The following GPR132 variants were observed in gnomAD, a reference collection of about 807,000 sequenced individuals.
GPR132 encodes the protein G protein-coupled receptor 132.
Under a neutral mutation model 1.9 loss-of-function variants are expected in GPR132, and 4 were observed. The observed-to-expected ratio is 2.13, with a 90% CI of 1.05 to 4.87. The LOEUF is 4.87. GPR132 is among the 30% of genes most tolerant of loss of function. The pLI is 0.01. For synonymous variants in GPR132, 233 were observed against 234.2 expected (o/e 0.99, Z 0.05); for missense variants, 404 against 512.5 (o/e 0.79, Z 2.04).
rs575686908 is a variant in GPR132, at chr14:105,064,634, C to A, written c.-861+745G>T. On this transcript the variant is annotated intron_variant, in intron 1 of 3. Coordinates refer to ENST00000329797, the MANE Select transcript of GPR132 (RefSeq NM_013345.4). Reference sequence around the variant, plus strand: ...CAGGCATGAACCACCGTGCCCAGCCCCTATCCTCATCTTCTTCCAGGAGCC... The same window carrying A: ...CAGGCATGAACCACCGTGCCCAGCCACTATCCTCATCTTCTTCCAGGAGCC... Among the ~76,000 whole-genome samples the A allele has an allele frequency of 3.4e-4, 51 of 152,230 alleles. No homozygotes were observed. In the Middle Eastern group the frequency reaches 0.01, roughly 30 times the overall value.
Position 105,055,338 on chromosome 14 carries a change from A to T in GPR132, c.34+49T>A. The T allele has an allele frequency of 2.6e-6, 2 of 780,814 alleles. No individual in the cohort carries two copies. Among genetic ancestry groups the T allele is most frequent in the Non-Finnish European group, 2.4e-6 (1 of 417,970 alleles). 48.4% of individuals were successfully genotyped at this position (780,814 alleles called of 1,614,324 possible). A position where few individuals can be genotyped will look rare whatever the true frequency, so the allele number is the denominator to read the frequency against. On this transcript the variant is annotated intron_variant, in intron 3 of 3. Coordinates refer to ENST00000329797, the MANE Select transcript of GPR132 (RefSeq NM_013345.4). This position sits in a 1 kb window ranked among gnomAD's most constrained non-coding sequence, Gnocchi z 4.7. ...TGAGACTCAATCGCAAGAAAAAAAA[A>T]TTGAAAAAGTGGAAAATTGTGGCAA... is the stretch of plus-strand genomic sequence containing the variant.
intron 1 of GPR132, among the ~76,000 whole-genome samples, chr14:105,062,145 C>T (rs1886960574): frequency 6.6e-6 from 1 of 152,226 alleles, no homozygotes; most frequent in Admixed American, 6.5e-5. Context: ...CACAAGACCA[C>T]AGTGTGTGTG....
At chr14:105,064,912 C>A (rs1250446689) in intron 1 of GPR132, among the ~76,000 whole-genome samples, 2 of 152,118 alleles carry the variant, frequency 1.3e-5, no homozygotes, top group Non-Finnish European at 2.9e-5. Context: ...CAGCACAGCC[C>A]CCACTGCCCT....
At chr14:105,052,329 CT>C (rs897048859) in intron 3 of GPR132, among the ~76,000 whole-genome samples, 1 of 152,130 alleles carries the variant, frequency 6.6e-6, no homozygotes, top group African/African-American at 2.4e-5. Context: ...AATCATTTTT[CT>C]TTTTTCTTTT....
chr14:105,062,878 C>T (rs1376394577), intron 1 of GPR132, among the ~76,000 whole-genome samples: 1 of 151,888 alleles, frequency 6.6e-6, no homozygotes, highest in African/African-American at 2.4e-5. Flanking sequence ...TTCTCTCTCT[C>T]TCTCCCTAAC....
rs1886609640 is a variant in GPR132, at chr14:105,050,700, A to G, written c.*294T>C. ...CTGCCAGCAGGCGTGCTACCTGCCC[A>G]CAGCCAAGGGAGCCAGCCAGGCAGG... is the stretch of plus-strand genomic sequence containing the variant. On this transcript the variant is annotated 3_prime_UTR_variant, in exon 4 of 4. Transcript: ENST00000329797. This position sits in a 1 kb window ranked among gnomAD's most constrained non-coding sequence, Gnocchi z 4.0. The G allele has an allele frequency of 2.1e-6, 1 of 475,248 alleles. No individual in the cohort carries two copies. Among genetic ancestry groups the G allele is most frequent in the South Asian group, 3.1e-5 (1 of 32,658 alleles). 29.4% of individuals were successfully genotyped at this position (475,248 alleles called of 1,614,324 possible).
At chr14:105,057,019 C>A (rs755048175) in intron 2 of GPR132, 148 bp downstream of exon 2, 11 of 656,404 alleles carry the variant, frequency 1.7e-5, no homozygotes, top group Non-Finnish European at 3.0e-5. Context: ...CTCCATGTAG[C>A]ACCTCTAGAT....
In GPR132 at chr14:105,061,818, A is replaced by G. The variant is rs59870288; in HGVS notation, c.-861+3561T>C. Among the ~76,000 whole-genome samples the G allele has an allele frequency of 1.4e-3, 220 of 152,168 alleles. 5 individuals are homozygous for G. The East Asian group carries it at 0.026, about 18-fold the overall frequency. On this transcript the variant is annotated intron_variant, in intron 1 of 3. Coordinates refer to ENST00000329797, the MANE Select transcript of GPR132 (RefSeq NM_013345.4). Reference sequence around the variant, plus strand: ...CATCGCCCCAGCTGTCTGGCCCACCAGTGGGGCTCCTCTCAGCTGTGGGGT... The same window carrying G: ...CATCGCCCCAGCTGTCTGGCCCACCGGTGGGGCTCCTCTCAGCTGTGGGGT...
At position 105,055,479 on chromosome 14, in the gene GPR132, A is replaced by G. The variant is rs1595137136; in HGVS notation, c.-59T>C. 2 of 775,780 alleles carry G rather than the reference A, an allele frequency of 2.6e-6. No individual in the cohort carries two copies. Among genetic ancestry groups the G allele is most frequent in the Middle Eastern group, 2.3e-4 (1 of 4,418 alleles). The allele number at this position is 775,780 out of a possible 1,614,324, so 48.1% of individuals were successfully genotyped here. A position where few individuals can be genotyped will look rare whatever the true frequency, so the allele number is the denominator to read the frequency against. On this transcript the variant is annotated 5_prime_UTR_variant, in exon 3 of 4. Transcript: ENST00000329797. This position sits in a 1 kb window ranked among gnomAD's most constrained non-coding sequence, Gnocchi z 4.7. The stretch of plus-strand genomic sequence containing the variant: ...CGGCAGAACCTTCTCATCTTCCCAA[A>G]CGGAGACTCTGCCCCAGGAAGCACT...
Position 105,050,889 on chromosome 14 carries a change from C to A in GPR132, c.*105G>T, listed in dbSNP as rs927291040. The A allele has an allele frequency of 9.4e-7, 1 of 1,064,324 alleles. No individual in the cohort carries two copies. 65.9% of individuals were successfully genotyped at this position (1,064,324 alleles called of 1,614,324 possible). ...CAGGAACGAGAAATTGGTAGTTTGTCTTCCAGAGGGGACATGGGCACTGTG... is the reference window on the plus strand; with the variant it reads ...CAGGAACGAGAAATTGGTAGTTTGTATTCCAGAGGGGACATGGGCACTGTG... On this transcript the variant is annotated 3_prime_UTR_variant, in exon 4 of 4. Transcript: ENST00000329797. The surrounding 1 kb of genome is among the most constrained non-coding windows in gnomAD (Gnocchi z 4.0).
At chr14:105,052,263 A>C (rs533650966) in intron 3 of GPR132, among the ~76,000 whole-genome samples, 161 bp from the exon 4 acceptor site, 1 of 152,344 alleles carries the variant, frequency 6.6e-6, no homozygotes, top group South Asian at 2.1e-4. Flanking sequence ...ATTATTAGAT[A>C]GTGGATCTCC....
intron 3 of GPR132, chr14:105,053,911 CA>C: frequency 8.9e-7 from 1 of 1,129,772 alleles, no homozygotes; most frequent in Non-Finnish European, 1.1e-6. Context: ...AAAAGGAGAT[CA>C]AAGTGATCTC....
rs1309345669 is a variant in GPR132 at position 105,055,359 on chromosome 14, G to A, written c.34+28C>T. On this transcript the variant is annotated intron_variant, in intron 3 of 3. Transcript: ENST00000329797. The surrounding 1 kb of genome is among the most constrained non-coding windows in gnomAD (Gnocchi z 4.7). ...AAAAATTGAAAAAGTGGAAAATTGT[G>A]GCAAAATACACATAACAAGGAATTT... 1 of 780,718 alleles carries A rather than the reference G, an allele frequency of 1.3e-6. No individual in the cohort carries two copies. The highest frequency in any genetic ancestry group is 2.4e-6 in the Non-Finnish European group (1 of 418,012). The allele number at this position is 780,718 out of a possible 1,614,324, so 48.4% of individuals were successfully genotyped here.
At position 105,051,315 on chromosome 14, in the gene GPR132, T is replaced by G; in HGVS notation, c.822A>C (p.Gly274=). The G allele has an allele frequency of 1.2e-6, 2 of 1,613,994 alleles. No homozygotes were observed. Among genetic ancestry groups the G allele is most frequent in the South Asian group, 2.2e-5 (2 of 91,078 alleles). The change falls in exon 4 of 4, where the codon GGA becomes GGC. Residue 274 remains glycine, a synonymous_variant. Transcript: ENST00000329797. The surrounding 1 kb of genome is among the most constrained non-coding windows in gnomAD (Gnocchi z 8.0). ...CCAAGCCGCACATGGCGTTCCTGTC[T>G]CCTCTGTAGTAGGAAAAGGCAGCGG... The part of the protein sequence containing the change: ...VKAAAFSYYR[G]DRNAMCGLEE...
Position 105,051,286 on chromosome 14 carries a change from T to C in GPR132, c.851A>G (p.Glu284Gly). The change falls in exon 4 of 4, where the codon GAA (glutamate) becomes GGA (glycine). Residue 284 changes from glutamate (E) to glycine (G), a missense_variant. Coordinates refer to ENST00000329797, the MANE Select transcript of GPR132 (RefSeq NM_013345.4). This position sits in a 1 kb window ranked among gnomAD's most constrained non-coding sequence, Gnocchi z 8.0. ...CACCACAGAGGCTGTGTACAGCCTT[T>C]CCTCCAAGCCGCACATGGCGTTCCT... ...GDRNAMCGLE[E>G]RLYTASVVFL... The C allele has an allele frequency of 6.2e-7, 1 of 1,613,964 alleles. No individual in the cohort carries two copies.
In GPR132 at chr14:105,059,219, G is replaced by A. The variant is rs982340359; in HGVS notation, c.-860-1939C>T. On this transcript the variant is annotated intron_variant, in intron 1 of 3. Transcript: ENST00000329797. The surrounding 1 kb of genome is among the most constrained non-coding windows in gnomAD (Gnocchi z 4.2). ...CCGAGGCCTGTATGTTGAGAGGCTGGCCAGGGGCACTCCCTGGAGCCACTT... is the reference window on the plus strand; with the variant it reads ...CCGAGGCCTGTATGTTGAGAGGCTGACCAGGGGCACTCCCTGGAGCCACTT... Among the ~76,000 whole-genome samples the A allele has an allele frequency of 2.0e-5, 3 of 152,338 alleles. No individual in the cohort carries two copies. Among genetic ancestry groups the A allele is most frequent in the Middle Eastern group, 3.4e-3 (1 of 294 alleles).
In GPR132 at chr14:105,060,921, C is replaced by T. The variant is rs11626099; in HGVS notation, c.-860-3641G>A. On this transcript the variant is annotated intron_variant, in intron 1 of 3. Coordinates refer to ENST00000329797, the MANE Select transcript of GPR132 (RefSeq NM_013345.4). This position sits in a 1 kb window ranked among gnomAD's most constrained non-coding sequence, Gnocchi z 6.3. Reference sequence around the variant, plus strand: ...GCAGGCAGAGGCTCACAGCGAGGCCCCTCTGGGATCCAGGCCTGTATGTTG... The same window carrying T: ...GCAGGCAGAGGCTCACAGCGAGGCCTCTCTGGGATCCAGGCCTGTATGTTG... Among the ~76,000 whole-genome samples the T allele has an allele frequency of 8.1e-3, 1,233 of 152,368 alleles. 15 individuals are homozygous for T. Among genetic ancestry groups the T allele is most frequent in the Middle Eastern group, 0.02 (6 of 294 alleles).
rs1215601181 is a variant in GPR132 at position 105,059,833 on chromosome 14, A to G, written c.-860-2553T>C. On this transcript the variant is annotated intron_variant, in intron 1 of 3. Coordinates refer to ENST00000329797, the MANE Select transcript of GPR132 (RefSeq NM_013345.4). The surrounding 1 kb of genome is among the most constrained non-coding windows in gnomAD (Gnocchi z 4.2). ...AGACTTGTCTCGACGTTTTTTAACAACTGGAAAAACAGGAAGCCACAATGT... is the reference window on the plus strand; with the variant it reads ...AGACTTGTCTCGACGTTTTTTAACAGCTGGAAAAACAGGAAGCCACAATGT... 6.6e-6 allele frequency among the ~76,000 whole-genome samples: 1 copy of G among 152,228 alleles called. No homozygotes were observed. Among genetic ancestry groups the G allele is most frequent in the Non-Finnish European group, 1.5e-5 (1 of 68,030 alleles).
In GPR132 at chr14:105,060,684, G is replaced by A. The variant is rs1178579706; in HGVS notation, c.-860-3404C>T. 2.0e-5 allele frequency among the ~76,000 whole-genome samples: 3 copies of A among 152,196 alleles called. No individual in the cohort carries two copies. Among genetic ancestry groups the A allele is most frequent in the Admixed American group, 6.5e-5 (1 of 15,284 alleles). On this transcript the variant is annotated intron_variant, in intron 1 of 3. Transcript: ENST00000329797. This position sits in a 1 kb window ranked among gnomAD's most constrained non-coding sequence, Gnocchi z 6.3. ...CTGAGCCGCCCAGGAAGGGGCTCCC[G>A]GGGAGTCTGCCTCCTTCACTTTAAC...
Sources: allele counts gnomAD v4.1 joint callset (sites outside exome capture counted in the v4.1 genomes callset), GRCh38; gene constraint gnomAD v4.1.1; non-coding constraint Gnocchi (gnomAD v3.1); transcripts MANE v1.5; gene names NCBI Gene and HGNC (gene_info 2026-07-23, HGNC 2026-07-21).